HERC6: variants seen among roughly 807,000 people sequenced by gnomAD.
HERC6 encodes the protein probable E3 ubiquitin-protein ligase HERC6.
HERC6 carries 101 observed loss-of-function variants against 114.5 expected under a neutral mutation model. The observed-to-expected ratio is 0.88, with a 90% confidence interval of 0.75 to 1.04. The LOEUF is 1.04. Among genes scored for constraint, HERC6 ranks in the 50% least tolerant of loss-of-function variants. The probability of loss-of-function intolerance (pLI) is 0.00; values close to 1 mark genes in which losing one functional copy is unlikely to be tolerated. For synonymous variants in HERC6, 408 were observed against 436.2 expected (o/e 0.94, Z 0.81); for missense variants, 1,133 against 1,230.9 (o/e 0.92, Z 1.19).
chr4:88,420,842 C>T (rs1736975592), intron 13 of HERC6, among the ~76,000 whole-genome samples: 1 of 151,972 alleles, frequency 6.6e-6, no homozygotes, highest in Non-Finnish European at 1.5e-5. Context: ...AGTTGTATAA[C>T]CTTTACCCAA....
At chr4:88,393,459 A>C in intron 4 of HERC6, 29 bp from the exon 5 acceptor site, 1 of 1,397,454 alleles carries the variant, frequency 7.2e-7, no homozygotes. Flanking sequence ...TGTTTCTTAT[A>C]CTCTAGAGAT....
intron 16 of HERC6, among the ~76,000 whole-genome samples, chr4:88,430,605 T>A (rs1281052106): frequency 6.6e-6 from 1 of 150,478 alleles, no homozygotes; most frequent in African/African-American, 2.5e-5. Flanking sequence ...AATAAATAAA[T>A]AAATAAAAAG....
At chr4:88,395,977 A>G (rs1233210490) in intron 5 of HERC6, 38 bp from the exon 6 acceptor site, 1 of 1,545,298 alleles carries the variant, frequency 6.5e-7, no homozygotes, top group Non-Finnish European at 8.7e-7. Context: ...TTACCTTGTT[A>G]AACCTGAAAT....
At chr4:88,397,068 T>A in intron 7 of HERC6, 81 bp downstream of exon 7, 6 of 1,338,118 alleles carry the variant, frequency 4.5e-6, no homozygotes, top group Non-Finnish European at 6.1e-6. Flanking sequence ...TTTCAAAGGA[T>A]CCTACAGAAC....
intron 15 of HERC6, among the ~76,000 whole-genome samples, chr4:88,425,219 T>C (rs1195207706): frequency 6.6e-6 from 1 of 152,198 alleles, no homozygotes; most frequent in Admixed American, 6.5e-5. Context: ...TTATCAAATG[T>C]TGCCAAATTA....
chr4:88,408,232 C>T (rs1169994536), intron 10 of HERC6, among the ~76,000 whole-genome samples: 1 of 151,792 alleles, frequency 6.6e-6, no homozygotes, highest in African/African-American at 2.4e-5. Context: ...AAACTGAGTG[C>T]GGGGGCAGAT....
chr4:88,435,927 A>G (rs536973279), intron 18 of HERC6, 36 bp downstream of exon 18: 1 of 1,475,624 alleles, frequency 6.8e-7, no homozygotes. Context: ...GACCGTATCT[A>G]GTAAGTCTCA....
At chr4:88,379,478 G>A (rs1185468972) in intron 1 of HERC6, among the ~76,000 whole-genome samples, 1 of 151,370 alleles carries the variant, frequency 6.6e-6, no homozygotes, top group East Asian at 1.9e-4. Flanking sequence ...GCGCTGCTCT[G>A]GAAAGAGATG....
chr4:88,393,634 G>C, intron 5 of HERC6, 52 bp downstream of exon 5: 1 of 1,077,164 alleles, frequency 9.3e-7, no homozygotes, highest in Middle Eastern at 2.0e-4. Flanking sequence ...ATGGTAACAA[G>C]ATACATATGT....
In HERC6 at chr4:88,405,574, C is replaced by T. The variant is rs759937034; in HGVS notation, c.1235C>T (p.Ser412Leu). The change falls in exon 10 of 23, where the codon TCA (serine) becomes TTA (leucine). Residue 412 changes from serine to leucine, a missense_variant. By Grantham distance (145) the Ser-to-Leu change is moderately radical. Coordinates refer to ENST00000264346, the MANE Select transcript of HERC6 (RefSeq NM_017912.4). ...MAKSEIRMIF[S>L]SPACLTASFL... ...TACAGTGAAATTAGAATGATATTTT[C>T]ATCTCCTGCTTGTCTGACTGCAAGT... is the stretch of plus-strand genomic sequence containing the variant. 44 of 1,531,946 alleles carry T rather than the reference C, an allele frequency of 2.9e-5. No individual in the cohort carries two copies. Among genetic ancestry groups the T allele is most frequent in the South Asian group, 5.0e-5 (4 of 79,500 alleles). 94.9% of individuals were successfully genotyped at this position (1,531,946 alleles called of 1,614,324 possible). A position where few individuals can be genotyped will look rare whatever the true frequency, so the allele number is the denominator to read the frequency against.
At chr4:88,390,590 T>A in intron 3 of HERC6, 62 bp from the exon 4 acceptor site, 1 of 1,376,718 alleles carries the variant, frequency 7.3e-7, no homozygotes, top group Non-Finnish European at 9.8e-7. Context: ...GAATTAGTAG[T>A]TTCTATTTGA....
chr4:88,421,747 C>A (rs1356664966), intron 13 of HERC6, among the ~76,000 whole-genome samples: 1 of 152,122 alleles, frequency 6.6e-6, no homozygotes, highest in African/African-American at 2.4e-5. Flanking sequence ...CACCCGACCA[C>A]TTTTCCACAT....
chr4:88,431,353 C>T, intron 17 of HERC6, 48 bp downstream of exon 17: 1 of 1,551,006 alleles, frequency 6.4e-7, no homozygotes, highest in Non-Finnish European at 8.7e-7. Flanking sequence ...AAAGGCACCC[C>T]ATATACTGCA....
intron 1 of HERC6, among the ~76,000 whole-genome samples, chr4:88,380,251 AATATATAATAT>A (rs1734186726): frequency 1.4e-5 from 1 of 73,324 alleles, no homozygotes; most frequent in Non-Finnish European, 2.2e-5. Context: ...ATAATATATA[AATATATAATAT>A]ATAAATATAT....
chr4:88,435,312 G>A (rs1279220704), intron 17 of HERC6, among the ~76,000 whole-genome samples: 1 of 151,666 alleles, frequency 6.6e-6, no homozygotes, highest in Non-Finnish European at 1.5e-5. Context: ...TTGCCAAAGG[G>A]GCTGCCACTC....
At chr4:88,415,645 T>C (rs923047180) in intron 12 of HERC6, among the ~76,000 whole-genome samples, 3 of 152,204 alleles carry the variant, frequency 2.0e-5, no homozygotes, top group Admixed American at 6.5e-5. Flanking sequence ...AAAAAAACTT[T>C]TAATTTTAAG....
chr4:88,390,309 A>AG lies in HERC6; in HGVS notation c.437-341dup, dbSNP rs747029055. ...CAAAGGGTATAAACTTTCAGTTATA[A>AG]GGTGAGTAATTTCTAATGTACAGCC... On this transcript the variant is annotated intron_variant, in intron 3 of 22. Coordinates refer to ENST00000264346, the MANE Select transcript of HERC6 (RefSeq NM_017912.4). 5.3e-5 allele frequency among the ~76,000 whole-genome samples: 8 copies of AG among 152,282 alleles called. No individual in the cohort carries two copies. In the East Asian group the frequency reaches 7.7e-4, roughly 15 times the overall value.
intron 15 of HERC6, among the ~76,000 whole-genome samples, chr4:88,428,000 A>G (rs1015283565): frequency 2.6e-5 from 4 of 152,222 alleles, no homozygotes; most frequent in African/African-American, 7.2e-5. Context: ...AAGCTAAAAG[A>G]AGTACTATTT....
intron 8 of HERC6, among the ~76,000 whole-genome samples, chr4:88,400,730 C>T (rs890990244): frequency 9.2e-5 from 14 of 152,086 alleles, no homozygotes; most frequent in African/African-American, 2.7e-4. Flanking sequence ...AGGGGCACCA[C>T]GTTTACATAT....
Sources: gnomAD v4.1 joint callset for allele counts (sites outside exome capture counted in the v4.1 genomes callset) on GRCh38, gnomAD v4.1.1 for gene constraint, MANE v1.5 for transcripts, NCBI Gene and HGNC (gene_info 2026-07-23, HGNC 2026-07-21) for gene names.